Variants in LMAN2L observed in about 807,000 individuals in gnomAD.
LMAN2L encodes the protein lectin, mannose binding 2 like, also known as VIP36-like protein.
A neutral mutation model predicts 44.3 loss-of-function variants in LMAN2L; 30 were observed. The observed-to-expected ratio is 0.68, with a 90% confidence interval of 0.51 to 0.92. The LOEUF is 0.92. LMAN2L is among the 40% of genes least tolerant of loss of function. The pLI, the probability that LMAN2L is intolerant of heterozygous loss-of-function variation, is 0.00. For missense variants in LMAN2L, 429 were observed against 446.1 expected, an observed-to-expected ratio of 0.96 and a Z score of 0.35; for synonymous variants, 183 against 171.1, an observed-to-expected ratio of 1.07 and a Z score of -0.54.
At position 96,736,176 on chromosome 2, in the gene LMAN2L, G is replaced by A. The variant is rs150952497; in HGVS notation, c.307-1650C>T. On this transcript the variant is annotated intron_variant, in intron 2 of 7. Coordinates refer to ENST00000264963, the MANE Select transcript of LMAN2L (RefSeq NM_030805.4). ...GCCTCCTACAGCACAATGCTATACT[G>A]TTTTGCTCAGGACCATGTCTAATTG... Among the ~76,000 whole-genome samples the A allele has an allele frequency of 1.9e-3, 289 of 152,248 alleles. 4 individuals carry two copies. In the Middle Eastern group the frequency reaches 0.031, roughly 16 times the overall value.
At chr2:96,712,094 AG>A in intron 4 of LMAN2L, 69 bp from the exon 5 acceptor site, 1 of 1,507,516 alleles carries the variant, frequency 6.6e-7, no homozygotes, top group South Asian at 1.1e-5. Flanking sequence ...AAACAGCAAC[AG>A]GAATTCAGCA....
chr2:96,737,932 G>A lies in LMAN2L; in HGVS notation c.306+17C>T. 6.5e-7 allele frequency: 1 copy of A among 1,548,010 alleles called. No individual in the cohort carries two copies. The highest frequency in any genetic ancestry group is 2.2e-5 in the East Asian group (1 of 44,574). ...GCCTTTCTGGGTCACCAACACAGGA[G>A]GGAGAAAGATTCTTACCACCCGGTT... On this transcript the variant is annotated intron_variant, in intron 2 of 7. Transcript: ENST00000264963.
chr2:96,706,989 C>T lies in LMAN2L; in HGVS notation c.*267G>A, dbSNP rs879942059. ...CACAACCACGTAAATTCTCTTCACA[C>T]CTCTGCTCCCACATGGAAGGACTGC... On this transcript the variant is annotated 3_prime_UTR_variant, in exon 8 of 8. Transcript: ENST00000264963. The T allele has an allele frequency of 1.0e-5, 3 of 292,720 alleles. No homozygotes were observed. Among genetic ancestry groups the T allele is most frequent in the Non-Finnish European group, 1.9e-5 (3 of 158,718 alleles). The allele number at this position is 292,720 out of a possible 1,614,324, so 18.1% of individuals were successfully genotyped here.
chr2:96,735,412 T>C (rs1195049357), intron 2 of LMAN2L, among the ~76,000 whole-genome samples: 1 of 152,218 alleles, frequency 6.6e-6, no homozygotes, highest in Non-Finnish European at 1.5e-5. Context: ...GTGTTCATAT[T>C]AGAAGTACAC....
chr2:96,732,658 A>G (rs1447318126), intron 4 of LMAN2L, among the ~76,000 whole-genome samples: 2 of 144,318 alleles, frequency 1.4e-5, no homozygotes, highest in Non-Finnish European at 3.1e-5. Flanking sequence ...AAAAAAAATT[A>G]AAAAAAAAAA....
intron 3 of LMAN2L, among the ~76,000 whole-genome samples, chr2:96,734,187 CAGAA>C (rs1198618452): frequency 1.3e-5 from 2 of 152,114 alleles, no homozygotes; most frequent in Non-Finnish European, 2.9e-5. Flanking sequence ...CAAGGAAACT[CAGAA>C]AGAAGTAACA....
rs1044359710 is a variant in LMAN2L, at chr2:96,739,733, C to T, written c.187+121G>A. Reference sequence around the variant, plus strand: ...CAAACGCGGAGGGAGTCTCCGTGGGCCCCACCACCGCCAGCAGTTTCCTCC... The same window carrying T: ...CAAACGCGGAGGGAGTCTCCGTGGGTCCCACCACCGCCAGCAGTTTCCTCC... On this transcript the variant is annotated intron_variant, in intron 1 of 7. Transcript: ENST00000264963. 1.1e-5 allele frequency: 11 copies of T among 1,009,860 alleles called. No homozygotes were observed. In the African/African-American group the frequency reaches 1.6e-4, roughly 15 times the overall value. 62.6% of individuals were successfully genotyped at this position (1,009,860 alleles called of 1,614,324 possible).
At chr2:96,707,435 G>A (rs772941714) in intron 7 of LMAN2L, 37 bp from the exon 8 acceptor site, 1 of 1,588,740 alleles carries the variant, frequency 6.3e-7, no homozygotes, top group Non-Finnish European at 8.6e-7. Context: ...AGAAAACAGG[G>A]AGCCCACCCA....
At chr2:96,722,015 T>C (rs959547422) in intron 4 of LMAN2L, among the ~76,000 whole-genome samples, 1 of 152,014 alleles carries the variant, frequency 6.6e-6, no homozygotes. Flanking sequence ...TTGCCCAGGC[T>C]GGAATCCAGT....
rs774906799 is a variant in LMAN2L at position 96,737,923 on chromosome 2, A to G, written c.306+26T>C. 1.8e-5 allele frequency: 27 copies of G among 1,504,658 alleles called. No individual in the cohort carries two copies. In the South Asian group the frequency reaches 2.7e-4, roughly 15 times the overall value. 93.2% of individuals were successfully genotyped at this position (1,504,658 alleles called of 1,614,324 possible). On this transcript the variant is annotated intron_variant, in intron 2 of 7. Coordinates refer to ENST00000264963, the MANE Select transcript of LMAN2L (RefSeq NM_030805.4). ...ACTTTTTAGGCCTTTCTGGGTCACCAACACAGGAGGGAGAAAGATTCTTAC... is the reference window on the plus strand; with the variant it reads ...ACTTTTTAGGCCTTTCTGGGTCACCGACACAGGAGGGAGAAAGATTCTTAC...
chr2:96,725,108 G>T (rs1183973704), intron 4 of LMAN2L, among the ~76,000 whole-genome samples: 3 of 152,268 alleles, frequency 2.0e-5, no homozygotes, highest in African/African-American at 7.2e-5. Context: ...TGGGATTACA[G>T]GCGTGAGCCA....
At chr2:96,737,859 G>A (rs1247377212) in intron 2 of LMAN2L, 90 bp downstream of exon 2, 1 of 749,898 alleles carries the variant, frequency 1.3e-6, no homozygotes, top group South Asian at 1.6e-5. Flanking sequence ...GAATACCAGG[G>A]GGATAGACAG....
intron 4 of LMAN2L, among the ~76,000 whole-genome samples, chr2:96,731,848 C>T (rs2078404589): frequency 6.6e-6 from 1 of 151,484 alleles, no homozygotes; most frequent in Non-Finnish European, 1.5e-5. Context: ...CTCCTGGGTT[C>T]AAGCCATTCT....
At chr2:96,717,840 TAA>T (rs1302488358) in intron 4 of LMAN2L, among the ~76,000 whole-genome samples, 38 of 121,938 alleles carry the variant, frequency 3.1e-4, no homozygotes, top group Admixed American at 2.5e-4. Context: ...ACTCTGTCTC[TAA>T]AAAAAAAAAA....
At chr2:96,733,181 C>A (rs1226943640) in intron 4 of LMAN2L, among the ~76,000 whole-genome samples, 2 of 152,156 alleles carry the variant, frequency 1.3e-5, no homozygotes, top group African/African-American at 4.8e-5. Flanking sequence ...TCAGGGGAGG[C>A]TGAGTTACGT....
At chr2:96,733,937 G>A (rs1399409925) in intron 3 of LMAN2L, among the ~76,000 whole-genome samples, 1 of 152,194 alleles carries the variant, frequency 6.6e-6, no homozygotes, top group Non-Finnish European at 1.5e-5. Context: ...ATGCCCCCAA[G>A]AGAGAACTGA....
chr2:96,709,715 C>T (rs1225203367), intron 6 of LMAN2L, among the ~76,000 whole-genome samples: 1 of 152,230 alleles, frequency 6.6e-6, no homozygotes, highest in Non-Finnish European at 1.5e-5. Flanking sequence ...AACATCCTAA[C>T]TTTCTCAGCA....
intron 4 of LMAN2L, among the ~76,000 whole-genome samples, chr2:96,721,176 C>T (rs945675270): frequency 3.3e-5 from 5 of 152,138 alleles, no homozygotes; most frequent in Admixed American, 6.6e-5. Flanking sequence ...AATCTACTTT[C>T]TGTCTCTACA....
rs191109816 is a variant in LMAN2L at position 96,708,885 on chromosome 2, T to C, written c.785-1052A>G. 1.2e-3 allele frequency among the ~76,000 whole-genome samples: 187 copies of C among 151,600 alleles called. 1 individual carries two copies. The highest frequency in any genetic ancestry group is 4.3e-3 in the African/African-American group (179 of 41,304). ...CTCCTACATTTAACCATATCTGATGTGTTGCAATGCACTGAAGTTAGACTT... is the reference window on the plus strand; with the variant it reads ...CTCCTACATTTAACCATATCTGATGCGTTGCAATGCACTGAAGTTAGACTT... On this transcript the variant is annotated intron_variant, in intron 6 of 7. Transcript: ENST00000264963.
Sources: gnomAD v4.1 joint callset for allele counts (sites outside exome capture counted in the v4.1 genomes callset) on GRCh38, gnomAD v4.1.1 for gene constraint, MANE v1.5 for transcripts, NCBI Gene and HGNC (gene_info 2026-07-23, HGNC 2026-07-21) for gene names.